EYA4: variants seen among roughly 807,000 people sequenced by gnomAD.
The protein encoded by EYA4 is EYA transcriptional coactivator and phosphatase 4.
Under a neutral mutation model 87.9 loss-of-function variants are expected in EYA4, and 31 were observed. The observed-to-expected ratio is 0.35, with a 90% CI of 0.27 to 0.48. The LOEUF is 0.48. Ranked by LOEUF, EYA4 falls within the 20% of genes least tolerant of loss-of-function variation. The pLI, the probability that EYA4 is intolerant of heterozygous loss-of-function variation, is 0.99. For synonymous variants in EYA4, 263 were observed against 270.6 expected (o/e 0.97, Z 0.28); for missense variants, 678 against 761.4 (o/e 0.89, Z 1.29).
chr6:133,290,520 G>T (rs908319283), intron 2 of EYA4, among the ~76,000 whole-genome samples: 8 of 152,240 alleles, frequency 5.3e-5, no homozygotes, highest in African/African-American at 1.9e-4. Context: ...AGAAAAAAGG[G>T]GAGGAGTTAG....
intron 2 of EYA4, among the ~76,000 whole-genome samples, chr6:133,340,295 G>A (rs1018132827): frequency 6.6e-6 from 1 of 152,148 alleles, no homozygotes; most frequent in Non-Finnish European, 1.5e-5. Context: ...CCTGTTCTTT[G>A]CCAAATTGAT....
intron 6 of EYA4, among the ~76,000 whole-genome samples, chr6:133,459,081 C>A (rs1794154595): frequency 6.6e-6 from 1 of 152,144 alleles, no homozygotes; most frequent in Admixed American, 6.6e-5. Flanking sequence ...TTTCCACTCA[C>A]TTTAATCCAA....
intron 2 of EYA4, among the ~76,000 whole-genome samples, chr6:133,301,078 A>G (rs1336654933): frequency 2.6e-5 from 4 of 152,204 alleles, no homozygotes; most frequent in Non-Finnish European, 5.9e-5. Flanking sequence ...CTGTAATGAG[A>G]CTGGCATATC....
chr6:133,363,734 C>T (rs964599119), intron 2 of EYA4, among the ~76,000 whole-genome samples: 1 of 152,072 alleles, frequency 6.6e-6, no homozygotes, highest in Non-Finnish European at 1.5e-5. Flanking sequence ...CTTGGCCTCC[C>T]AAAGTGCTGG....
intron 13 of EYA4, among the ~76,000 whole-genome samples, chr6:133,504,907 C>A (rs892860013): frequency 6.6e-6 from 1 of 152,174 alleles, no homozygotes; most frequent in Non-Finnish European, 1.5e-5. Flanking sequence ...AACACAATTT[C>A]GGCTCTCTCT....
chr6:133,469,823 A>G (rs910790278), intron 11 of EYA4, among the ~76,000 whole-genome samples: 2 of 152,032 alleles, frequency 1.3e-5, no homozygotes, highest in African/African-American at 4.8e-5. Context: ...CAATTCATAC[A>G]AGAAAAGAAC....
rs145932673 is a variant in EYA4, at chr6:133,368,391, A to G, written c.34-14001A>G. Reference sequence around the variant, plus strand: ...TTTAGGCAAGGTTCACTGGGCCTCTATTGTAACAGGAACAGACATATATTT... The same window carrying G: ...TTTAGGCAAGGTTCACTGGGCCTCTGTTGTAACAGGAACAGACATATATTT... On this transcript the variant is annotated intron_variant, in intron 2 of 19. Transcript: ENST00000355286. 7.2e-5 allele frequency among the ~76,000 whole-genome samples: 11 copies of G among 152,292 alleles called. No homozygotes were observed. In the East Asian group the frequency reaches 1.7e-3, roughly 24 times the overall value.
intron 3 of EYA4, among the ~76,000 whole-genome samples, chr6:133,409,437 A>T (rs943278214): frequency 2.0e-5 from 3 of 152,188 alleles, no homozygotes; most frequent in Non-Finnish European, 4.4e-5. Flanking sequence ...CAGACGCAAA[A>T]AGAAAAATAC....
chr6:133,344,259 T>A (rs944111415), intron 2 of EYA4, among the ~76,000 whole-genome samples: 2 of 152,242 alleles, frequency 1.3e-5, no homozygotes, highest in African/African-American at 4.8e-5. Flanking sequence ...ACATCTTCCA[T>A]TTCTACATTT....
chr6:133,281,343 G>A (rs1355808238), intron 2 of EYA4, among the ~76,000 whole-genome samples: 2 of 152,046 alleles, frequency 1.3e-5, no homozygotes, highest in Non-Finnish European at 2.9e-5. Context: ...TGTCACTTGC[G>A]CTTTTAGTGT....
At chr6:133,503,454 T>C (rs1207918616) in intron 13 of EYA4, among the ~76,000 whole-genome samples, 1 of 152,208 alleles carries the variant, frequency 6.6e-6, no homozygotes, top group Admixed American at 6.5e-5. Flanking sequence ...ATTTCTGAAC[T>C]CCTATCTGAA....
chr6:133,391,920 G>A (rs1011750747), intron 3 of EYA4, among the ~76,000 whole-genome samples: 1 of 152,060 alleles, frequency 6.6e-6, no homozygotes, highest in Non-Finnish European at 1.5e-5. Context: ...CATATATCAA[G>A]GAAATTGAAA....
intron 2 of EYA4, among the ~76,000 whole-genome samples, chr6:133,374,464 G>A (rs1367264206): frequency 2.6e-5 from 4 of 151,898 alleles, no homozygotes; most frequent in Non-Finnish European, 5.9e-5. Context: ...TTTTGGTGGT[G>A]GATTTTATTT....
intron 2 of EYA4, among the ~76,000 whole-genome samples, chr6:133,350,436 G>T (rs746915451): frequency 6.6e-6 from 1 of 152,114 alleles, no homozygotes; most frequent in Non-Finnish European, 1.5e-5. Context: ...TGGTTGATGA[G>T]GGTATGTTTG....
chr6:133,298,851 T>A (rs1226104457), intron 2 of EYA4, among the ~76,000 whole-genome samples: 1 of 152,214 alleles, frequency 6.6e-6, no homozygotes, highest in East Asian at 1.9e-4. Context: ...TCCTGATAAA[T>A]GTGAACACCT....
chr6:133,387,637 T>C (rs183247226), intron 3 of EYA4, among the ~76,000 whole-genome samples: 118 of 152,262 alleles, frequency 7.7e-4, no homozygotes, highest in Non-Finnish European at 1.4e-3. Context: ...ATTAATTCCT[T>C]TAATTATTAA....
At chr6:133,275,505 G>A (rs972152593) in intron 2 of EYA4, among the ~76,000 whole-genome samples, 4 of 151,478 alleles carry the variant, frequency 2.6e-5, no homozygotes, top group Non-Finnish European at 5.9e-5. Flanking sequence ...GTAACAAGAC[G>A]TGTGCTTACT....
chr6:133,350,150 A>C (rs984707248), intron 2 of EYA4, among the ~76,000 whole-genome samples: 2 of 152,056 alleles, frequency 1.3e-5, no homozygotes, highest in South Asian at 2.1e-4. Context: ...TTTGATGTTG[A>C]CAGTCTAATT....
intron 2 of EYA4, among the ~76,000 whole-genome samples, chr6:133,299,569 A>T (rs969397892): frequency 6.6e-6 from 1 of 151,738 alleles, no homozygotes; most frequent in South Asian, 2.1e-4. Context: ...AAAATTAGCC[A>T]GGTGTAGTGG....
Sources: gnomAD v4.1 joint callset for allele counts (sites outside exome capture counted in the v4.1 genomes callset) on GRCh38, gnomAD v4.1.1 for gene constraint, MANE v1.5 for transcripts, NCBI Gene and HGNC (gene_info 2026-07-23, HGNC 2026-07-21) for gene names.